MAP4K1: variants seen among roughly 807,000 people sequenced by gnomAD.
MAP4K1 encodes MAPK/ERK kinase kinase kinase 1.
A neutral mutation model predicts 122.8 loss-of-function variants in MAP4K1; 35 were observed. That is an observed-to-expected ratio of 0.29 (90% CI 0.22 to 0.38). The LOEUF is 0.38. Ranked by LOEUF, MAP4K1 falls within the 10% of genes least tolerant of loss-of-function variation. The pLI is 1.00. For missense variants in MAP4K1, 791 were observed against 1,072.6 expected (o/e 0.74, Z 3.67); for synonymous variants, 412 against 421.3 (o/e 0.98, Z 0.27).
chr19:38,600,328 G>A (rs917705856), intron 20 of MAP4K1, among the ~76,000 whole-genome samples, 175 bp from the exon 21 acceptor site: 15 of 152,064 alleles, frequency 9.9e-5, no homozygotes, highest in Non-Finnish European at 1.8e-4. Flanking sequence ...GGACGGTCCC[G>A]CAAGCCAGTC....
At chr19:38,589,324 CA>C (rs1974632094) in intron 30 of MAP4K1, 3 of 257,608 alleles carry the variant, frequency 1.2e-5, no homozygotes, top group Admixed American at 5.1e-5. Context: ...AAAAGACAAA[CA>C]AAAAACAATA....
At chr19:38,609,547 G>A (rs979905071) in intron 13 of MAP4K1, 49 bp downstream of exon 13, 3 of 1,541,448 alleles carry the variant, frequency 1.9e-6, no homozygotes, top group Non-Finnish European at 2.7e-6. Context: ...TGGTCTCTTA[G>A]GTCTATTATA....
chr19:38,600,255 G>T, intron 20 of MAP4K1, 102 bp from the exon 21 acceptor site: 1 of 921,776 alleles, frequency 1.1e-6, no homozygotes, highest in Non-Finnish European at 1.7e-6. Flanking sequence ...CCCCAGCTCT[G>T]ACCCTCTATT....
intron 16 of MAP4K1, among the ~76,000 whole-genome samples, chr19:38,607,211 G>GAT (rs1975353917): frequency 6.6e-6 from 1 of 151,984 alleles, no homozygotes; most frequent in Admixed American, 6.6e-5. Context: ...GTCAGCTCTG[G>GAT]GGTGGAGAGC....
intron 20 of MAP4K1, 169 bp downstream of exon 20, chr19:38,601,272 C>CA (rs992526282): frequency 1.7e-6 from 1 of 593,898 alleles, no homozygotes; most frequent in Non-Finnish European, 2.9e-6. Flanking sequence ...CTTTGATCAC[C>CA]AAATCCTGAG....
chr19:38,605,320 T>C, intron 19 of MAP4K1, 89 bp downstream of exon 19: 1 of 1,014,596 alleles, frequency 9.9e-7, no homozygotes, highest in African/African-American at 1.6e-5. Context: ...CACCTGTTGT[T>C]ACTGTCAGTC....
At chr19:38,589,900 C>T (rs902807635) in intron 30 of MAP4K1, among the ~76,000 whole-genome samples, 4 of 151,866 alleles carry the variant, frequency 2.6e-5, no homozygotes, top group African/African-American at 7.3e-5. Flanking sequence ...TGTAGTGGTA[C>T]GCGCCTGTCA....
In MAP4K1 at chr19:38,602,733, T is replaced by C. The variant is rs147304883; in HGVS notation, c.1447-1208A>G. Among the ~76,000 whole-genome samples the C allele has an allele frequency of 3.1e-3, 460 of 148,588 alleles. 2 individuals carry two copies. The highest frequency in any genetic ancestry group is 0.011 in the African/African-American group (435 of 40,152). On this transcript the variant is annotated intron_variant, in intron 19 of 30. Coordinates refer to ENST00000396857, the MANE Select transcript of MAP4K1 (RefSeq NM_001042600.3). ...ATACATATATACACACATATACATG[T>C]ATACATATATACACATGTACATATA...
intron 20 of MAP4K1, 79 bp downstream of exon 20, chr19:38,601,362 C>T (rs1374281861): frequency 2.6e-5 from 35 of 1,330,140 alleles, no homozygotes; most frequent in African/African-American, 4.4e-5. Flanking sequence ...TGCCTTTGTG[C>T]CTTCCTTAGG....
rs370510091 is a variant in MAP4K1, at chr19:38,610,030, C to A, written c.811-5G>T. On this transcript the variant is annotated splice_polypyrimidine_tract_variant and splice_region_variant and intron_variant, in intron 11 of 30. Transcript: ENST00000396857. ...AGGCTGGGATACCAGTTGATGCTGG[C>A]GGAGGGAAGAGGTGTCCGTATCCAG... 2 of 1,602,392 alleles carry A rather than the reference C, an allele frequency of 1.2e-6. No homozygotes were observed. Among genetic ancestry groups the A allele is most frequent in the East Asian group, 2.2e-5 (1 of 44,798 alleles).
intron 3 of MAP4K1, 53 bp from the exon 4 acceptor site, chr19:38,616,312 G>T: frequency 1.4e-6 from 2 of 1,432,496 alleles, no homozygotes; most frequent in Non-Finnish European, 1.9e-6. Flanking sequence ...ATTATTATTT[G>T]CAGGAAAGCC....
At chr19:38,588,894 G>A (rs996085159) in intron 30 of MAP4K1, among the ~76,000 whole-genome samples, 3 of 151,702 alleles carry the variant, frequency 2.0e-5, no homozygotes, top group Non-Finnish European at 2.9e-5. Context: ...ACTCCAGCCT[G>A]GGTGACAGAG....
In MAP4K1 at chr19:38,593,134, A is replaced by G; in HGVS notation, c.2396+148T>C. On this transcript the variant is annotated intron_variant, in intron 30 of 30. Transcript: ENST00000396857. Reference sequence around the variant, plus strand: ...ACGCCCCCGTGGCTGCAGTGCAGAGAACAGACTCTAGGGAGCAGGGATGGA... The same window carrying G: ...ACGCCCCCGTGGCTGCAGTGCAGAGGACAGACTCTAGGGAGCAGGGATGGA... 3 of 637,780 alleles carry G rather than the reference A, an allele frequency of 4.7e-6. No individual in the cohort carries two copies. The South Asian group carries it at 6.8e-5, about 15-fold the overall frequency. 39.5% of individuals were successfully genotyped at this position (637,780 alleles called of 1,614,324 possible).
intron 9 of MAP4K1, 116 bp downstream of exon 9, chr19:38,612,495 G>T: frequency 1.2e-6 from 1 of 803,616 alleles, no homozygotes. Context: ...GCAAAGGTAG[G>T]CTCAAGTGGT....
At chr19:38,590,394 AATATATATATATATATATATATATAT>A (rs1163055879) in intron 30 of MAP4K1, among the ~76,000 whole-genome samples, 2 of 17,298 alleles carry the variant, frequency 1.2e-4, no homozygotes, top group South Asian at 3.3e-3. Context: ...AAAAAAAAAA[AATATATATATATATATATATATATAT>A]ATATATATAT....
intron 17 of MAP4K1, 88 bp from the exon 18 acceptor site, chr19:38,605,818 A>G (rs1599710502): frequency 5.3e-6 from 7 of 1,308,654 alleles, no homozygotes; most frequent in Non-Finnish European, 6.3e-6. Flanking sequence ...TGCCTCCACC[A>G]GAACTAACAG....
chr19:38,613,933 G>T lies in MAP4K1; in HGVS notation c.480C>A (p.Ala160=), dbSNP rs1975573170. 1 of 1,613,916 alleles carries T rather than the reference G, an allele frequency of 6.2e-7. No individual in the cohort carries two copies. Residue 160 remains alanine (A), a synonymous_variant, in exon 8 of 31, where the codon GCC becomes GCA. Transcript: ENST00000396857. The part of the protein sequence containing the change: ...EVRLADFGIS[A]QIGATLARRL... ...GTCTGGCCAGTGTAGCCCCAATCTG[G>T]GCCGAGATGCCAAAGTCAGCTGGAA...
chr19:38,602,653 CAT>C (rs200166915), intron 19 of MAP4K1, among the ~76,000 whole-genome samples: 4 of 142,374 alleles, frequency 2.8e-5, no homozygotes, highest in African/African-American at 1.1e-4. Context: ...TACATATATA[CAT>C]ATATACACAT....
chr19:38,600,656 G>T (rs1417809525), intron 20 of MAP4K1, among the ~76,000 whole-genome samples: 7 of 151,958 alleles, frequency 4.6e-5, no homozygotes, highest in Non-Finnish European at 8.8e-5. Flanking sequence ...ACCCCAAAAT[G>T]CTGCTCCCAG....
Sources: gnomAD v4.1 joint callset for allele counts (sites outside exome capture counted in the v4.1 genomes callset) on GRCh38, gnomAD v4.1.1 for gene constraint, MANE v1.5 for transcripts, NCBI Gene and HGNC (gene_info 2026-07-23, HGNC 2026-07-21) for gene names.